MYO3A: variants seen among roughly 807,000 people sequenced by gnomAD.
MYO3A encodes myosin-IIIa.
MYO3A carries 180 observed loss-of-function variants against 192.7 expected under a neutral mutation model. The observed-to-expected ratio is 0.93, with a 90% CI of 0.83 to 1.06. MYO3A has a LOEUF of 1.06. MYO3A is among the 50% of genes least tolerant of loss of function. The pLI is 0.00. For synonymous variants in MYO3A, 628 were observed against 645.3 expected, an observed-to-expected ratio of 0.97 and a Z score of 0.41; for missense variants, 1,896 against 1,905.0, an observed-to-expected ratio of 1.00 and a Z score of 0.09.
rs1554802800 is a variant in MYO3A at position 26,010,206 on chromosome 10, G to GA, written c.509-6614_509-6613insA. Among the ~76,000 whole-genome samples the GA allele has an allele frequency of 7.0e-3, 1,060 of 152,246 alleles. 17 individuals carry two copies. Among genetic ancestry groups the GA allele is most frequent in the African/African-American group, 0.024 (997 of 41,518 alleles). ...GAAAAGATCTAGATCCAGGAAGACT[G>GA]GAGAGGATGGACTTCCAAGAGAAAT... On this transcript the variant is annotated intron_variant, in intron 6 of 34. Transcript: ENST00000642920.
chr10:25,948,523 A>C (rs1403238348), intron 2 of MYO3A, among the ~76,000 whole-genome samples: 1 of 152,068 alleles, frequency 6.6e-6, no homozygotes, highest in Admixed American at 6.5e-5. Flanking sequence ...CTAAGAACTT[A>C]TTTATATGTT....
At chr10:26,184,284 C>T (rs554764862) in intron 31 of MYO3A, among the ~76,000 whole-genome samples, 1 of 152,300 alleles carries the variant, frequency 6.6e-6, no homozygotes, top group East Asian at 1.9e-4. Context: ...TAGAGTGAGT[C>T]TGCCTTTAAC....
chr10:25,944,826 C>G lies in MYO3A; in HGVS notation c.-17-7268C>G, dbSNP rs138899459. On this transcript the variant is annotated intron_variant, in intron 2 of 34. Coordinates refer to ENST00000642920, the MANE Select transcript of MYO3A (RefSeq NM_017433.5). ...ATCTGCTTAAAGGTTTTAAAGGTTT[C>G]GAAGAATCAACTCATGGTTTTGTTG... 1.2e-4 allele frequency among the ~76,000 whole-genome samples: 19 copies of G among 152,036 alleles called. No homozygotes were observed. In the East Asian group the frequency reaches 3.3e-3, roughly 26 times the overall value.
intron 18 of MYO3A, 94 bp downstream of exon 18, chr10:26,120,896 T>C (rs1409713622): frequency 2.0e-6 from 3 of 1,481,584 alleles, no homozygotes; most frequent in African/African-American, 1.4e-5. Flanking sequence ...GCAATTGTGC[T>C]AACCTAGAAT....
chr10:25,973,732 C>T (rs1192983260), intron 4 of MYO3A, among the ~76,000 whole-genome samples: 1 of 151,864 alleles, frequency 6.6e-6, no homozygotes, highest in African/African-American at 2.4e-5. Flanking sequence ...GGTATGGGTA[C>T]CAAAACAGAC....
chr10:26,135,827 A>C (rs965122922), intron 20 of MYO3A, among the ~76,000 whole-genome samples: 2 of 151,852 alleles, frequency 1.3e-5, no homozygotes, highest in African/African-American at 4.8e-5. Context: ...TTAGCCGGGC[A>C]TGGTGGTGGG....
chr10:26,109,997 T>C (rs1838059549), intron 17 of MYO3A, among the ~76,000 whole-genome samples: 1 of 152,134 alleles, frequency 6.6e-6, no homozygotes, highest in Non-Finnish European at 1.5e-5. Flanking sequence ...TACCAGAACA[T>C]TATGAATTAT....
At chr10:26,146,502 C>G (rs1840472655) in intron 22 of MYO3A, among the ~76,000 whole-genome samples, 1 of 152,138 alleles carries the variant, frequency 6.6e-6, no homozygotes, top group East Asian at 1.9e-4. Context: ...TGGGAGGCCT[C>G]TCTTCCTGGC....
chr10:26,143,989 T>C (rs1840314370), intron 21 of MYO3A, among the ~76,000 whole-genome samples: 1 of 152,204 alleles, frequency 6.6e-6, no homozygotes, highest in Non-Finnish European at 1.5e-5. Context: ...TGATGTTCTG[T>C]TCTATTCATT....
chr10:25,956,391 C>G (rs975572171), intron 4 of MYO3A, among the ~76,000 whole-genome samples: 15 of 150,038 alleles, frequency 1.0e-4, no homozygotes, highest in Non-Finnish European at 1.9e-4. Flanking sequence ...AGTGCAGTGG[C>G]ACAATCTCAG....
chr10:26,047,683 G>A (rs991776609), intron 10 of MYO3A, among the ~76,000 whole-genome samples: 2 of 152,106 alleles, frequency 1.3e-5, no homozygotes, highest in East Asian at 1.9e-4. Context: ...GCTGAGGCAG[G>A]AGAATGGCAT....
intron 6 of MYO3A, among the ~76,000 whole-genome samples, chr10:26,005,271 C>T (rs12775972): frequency 0.31 from 46,662 of 151,844 alleles, 7,750 homozygotes; most frequent in Middle Eastern, 0.45. Context: ...TACAACAAAC[C>T]CAAATTCAGG....
At chr10:25,941,995 CTTTCTTT>C (rs1245060647) in intron 2 of MYO3A, among the ~76,000 whole-genome samples, 6 of 149,488 alleles carry the variant, frequency 4.0e-5, no homozygotes, top group Non-Finnish European at 7.4e-5. Context: ...TTCTTTCTTA[CTTTCTTT>C]TTTCTTTTTT....
rs144654421 is a variant in MYO3A at position 26,096,799 on chromosome 10, A to G, written c.1776+117A>G. The G allele has an allele frequency of 1.9e-4, 135 of 727,970 alleles. 1 individual carries two copies. The Middle Eastern group carries it at 1.9e-3, about 10-fold the overall frequency. 45.1% of individuals were successfully genotyped at this position (727,970 alleles called of 1,614,324 possible). A position where few individuals can be genotyped will look rare whatever the true frequency, so the allele number is the denominator to read the frequency against. On this transcript the variant is annotated intron_variant, in intron 17 of 34. Transcript: ENST00000642920. Reference sequence around the variant, plus strand: ...GCATAAGTGCTTTACATAAATTGAAACAGCATTATGAAATAACTGGAAATA... The same window carrying G: ...GCATAAGTGCTTTACATAAATTGAAGCAGCATTATGAAATAACTGGAAATA...
At chr10:26,104,874 C>CACAT (rs1216253931) in intron 17 of MYO3A, among the ~76,000 whole-genome samples, 2 of 151,358 alleles carry the variant, frequency 1.3e-5, no homozygotes, top group Admixed American at 6.6e-5. Context: ...GATACACACA[C>CACAT]ACACACACAC....
intron 31 of MYO3A, among the ~76,000 whole-genome samples, chr10:26,187,880 C>A (rs1842940195): frequency 6.6e-6 from 1 of 152,034 alleles, no homozygotes; most frequent in South Asian, 2.1e-4. Context: ...TTTTCTTAGT[C>A]CAGTCTATCA....
At chr10:26,008,607 G>C (rs566951744) in intron 6 of MYO3A, among the ~76,000 whole-genome samples, 1 of 151,646 alleles carries the variant, frequency 6.6e-6, no homozygotes, top group South Asian at 2.1e-4. Flanking sequence ...CATTTATGCA[G>C]CCAAAAAACA....
At chr10:25,940,011 T>C (rs1271127706) in intron 2 of MYO3A, among the ~76,000 whole-genome samples, 2 of 152,078 alleles carry the variant, frequency 1.3e-5, no homozygotes, top group African/African-American at 4.8e-5. Flanking sequence ...TGCCTGATAT[T>C]GAGCTAGCCA....
At chr10:26,039,796 G>A (rs1843240959) in intron 10 of MYO3A, among the ~76,000 whole-genome samples, 1 of 151,978 alleles carries the variant, frequency 6.6e-6, no homozygotes, top group South Asian at 2.1e-4. Context: ...CTAAAGGTTT[G>A]TCAATTTTCT....
Sources: allele counts gnomAD v4.1 joint callset (sites outside exome capture counted in the v4.1 genomes callset), GRCh38; gene constraint gnomAD v4.1.1; transcripts MANE v1.5; gene names NCBI Gene and HGNC (gene_info 2026-07-23, HGNC 2026-07-21).